The following GART variants were observed in gnomAD, a reference collection of about 807,000 sequenced individuals.
GART encodes the protein phosphoribosylglycinamide formyltransferase, phosphoribosylglycinamide synthetase, phosphoribosylaminoimidazole synthetase.
Under a neutral mutation model 107.2 loss-of-function variants are expected in GART, and 43 were observed. That is an observed-to-expected ratio of 0.40 (90% confidence interval 0.31 to 0.52). The LOEUF (loss-of-function observed/expected upper bound fraction) is 0.52, where lower values mean the gene tolerates loss of function less well. Ranked by LOEUF, GART falls within the 20% of genes least tolerant of loss-of-function variation. GART has a pLI of 0.52. For synonymous variants in GART, 434 were observed against 427.0 expected, an observed-to-expected ratio of 1.02 and a Z score of -0.20; for missense variants, 1,107 against 1,206.5, an observed-to-expected ratio of 0.92 and a Z score of 1.22.
intron 1 of GART, among the ~76,000 whole-genome samples, chr21:33,540,237 G>A (rs2085386323): frequency 6.6e-6 from 1 of 152,176 alleles, no homozygotes; most frequent in Non-Finnish European, 1.5e-5. Flanking sequence ...CAGGCAGTGG[G>A]TCAGAGATCA....
At chr21:33,507,881 G>C (rs1218291779) in intron 18 of GART, among the ~76,000 whole-genome samples, 1 of 151,986 alleles carries the variant, frequency 6.6e-6, no homozygotes, top group East Asian at 1.9e-4. Context: ...AAAATAACTG[G>C]ATTGTTTGTA....
At chr21:33,518,220 C>T (rs952065022) in intron 14 of GART, among the ~76,000 whole-genome samples, 3 of 152,184 alleles carry the variant, frequency 2.0e-5, no homozygotes, top group African/African-American at 7.2e-5. Flanking sequence ...TCGTGGCTCA[C>T]GCCTGTAATC....
intron 11 of GART, among the ~76,000 whole-genome samples, chr21:33,522,948 ATAAT>A (rs563618211): frequency 3.2e-4 from 48 of 152,370 alleles, no homozygotes; most frequent in Admixed American, 4.6e-4. Context: ...GTATCCCTAA[ATAAT>A]TAAACTGAGT....
At chr21:33,529,924 G>GTA (rs368789126) in intron 7 of GART, among the ~76,000 whole-genome samples, 43 of 151,870 alleles carry the variant, frequency 2.8e-4, no homozygotes, top group African/African-American at 1.0e-3. Context: ...GCCAGGCATG[G>GTA]TAGCTCACGC....
intron 11 of GART, among the ~76,000 whole-genome samples, chr21:33,523,024 T>C (rs555311083): frequency 1.3e-5 from 2 of 152,228 alleles, no homozygotes; most frequent in Non-Finnish European, 2.9e-5. Flanking sequence ...GTAAACACTA[T>C]GACAAAAGCA....
Position 33,517,535 on chromosome 21 carries a change from G to A in GART, c.1776C>T (p.Ala592=). Residue 592 remains alanine, a synonymous_variant, in exon 15 of 22, where the codon GCC becomes GCT. Transcript: ENST00000381815. ...GAGGGAGTTTCTGATCTCGCTCCAT[G>A]GCACCAACGGCAAACCCAGCTAGGT... ...EYDLAGFAVG[A]MERDQKLPHL... 1 of 1,614,196 alleles carries A rather than the reference G, an allele frequency of 6.2e-7. No individual in the cohort carries two copies. The highest frequency in any genetic ancestry group is 2.2e-5 in the East Asian group (1 of 44,888).
At chr21:33,542,350 G>A (rs1215880434), upstream of GART, 2 of 152,360 alleles carry the variant, frequency 1.3e-5, no homozygotes, top group Non-Finnish European at 2.9e-5. Context: ...GAGCGCCGGG[G>A]GGGAGCGCCA....
At chr21:33,523,830 G>A (rs1056861249) in intron 11 of GART, among the ~76,000 whole-genome samples, 4 of 151,916 alleles carry the variant, frequency 2.6e-5, no homozygotes, top group African/African-American at 7.3e-5. Flanking sequence ...AGCTGGGCAC[G>A]GTGGCAGGCA....
At chr21:33,513,684 T>C (rs1451235758) in intron 16 of GART, among the ~76,000 whole-genome samples, 1 of 152,242 alleles carries the variant, frequency 6.6e-6, no homozygotes, top group East Asian at 1.9e-4. Flanking sequence ...TCAGATTTAG[T>C]AACTACATTG....
chr21:33,539,692 A>T (rs2085374630), intron 1 of GART, among the ~76,000 whole-genome samples: 1 of 149,232 alleles, frequency 6.7e-6, no homozygotes, highest in Non-Finnish European at 1.5e-5. Flanking sequence ...GACCATCTCA[A>T]AAAAAAAAAA....
chr21:33,520,684 G>T, intron 13 of GART, 122 bp from the exon 14 acceptor site: 2 of 856,984 alleles, frequency 2.3e-6, no homozygotes, highest in Non-Finnish European at 3.6e-6. Flanking sequence ...CAAGCTACTT[G>T]GTCTAAAAGC....
intron 18 of GART, among the ~76,000 whole-genome samples, chr21:33,507,854 C>CA (rs199898805): frequency 0.016 from 2,350 of 149,860 alleles, 61 homozygotes; most frequent in African/African-American, 0.049. Flanking sequence ...AAAAACAAAA[C>CA]AAAAAAAAAC....
In GART at chr21:33,538,836, A is replaced by T. The variant is rs542344616; in HGVS notation, c.145+335T>A. Among the ~76,000 whole-genome samples, 7 of 152,330 alleles carry T rather than the reference A, an allele frequency of 4.6e-5. No homozygotes were observed. In the South Asian group the frequency reaches 1.0e-3, roughly 23 times the overall value. The stretch of plus-strand genomic sequence containing the variant: ...CATTCTGTCGCCCAGGCTGGAGTGC[A>T]GTGGCATGATGTCAGCTTACTACAA... On this transcript the variant is annotated intron_variant, in intron 2 of 21. Transcript: ENST00000381815.
intron 16 of GART, among the ~76,000 whole-genome samples, chr21:33,513,935 A>T (rs1330848760): frequency 6.6e-6 from 1 of 152,194 alleles, no homozygotes; most frequent in East Asian, 1.9e-4. Context: ...ATAAATGAAC[A>T]AGTACTTCAT....
chr21:33,537,203 G>C (rs1601231715), intron 2 of GART, among the ~76,000 whole-genome samples: 6 of 152,316 alleles, frequency 3.9e-5, no homozygotes, highest in African/African-American at 1.2e-4. Flanking sequence ...GGGCTTGCCT[G>C]TATGACCTCA....
At chr21:33,523,200 T>C (rs1339455097) in intron 11 of GART, among the ~76,000 whole-genome samples, 1 of 152,124 alleles carries the variant, frequency 6.6e-6, no homozygotes, top group Non-Finnish European at 1.5e-5. Flanking sequence ...CATGAAGAAA[T>C]ATGTGTTTTT....
At chr21:33,522,702 G>A (rs1032137986) in intron 11 of GART, among the ~76,000 whole-genome samples, 2 of 152,198 alleles carry the variant, frequency 1.3e-5, no homozygotes, top group Non-Finnish European at 1.5e-5. Flanking sequence ...TTATAATGCT[G>A]TGCACCCGGC....
At chr21:33,524,380 C>T (rs978648740) in intron 11 of GART, 1 of 695,048 alleles carries the variant, frequency 1.4e-6, no homozygotes. Context: ...GAAACCCCAT[C>T]TCCACAAAAA....
At chr21:33,531,040 TAC>T in intron 6 of GART, 156 bp from the exon 7 acceptor site, 1 of 526,852 alleles carries the variant, frequency 1.9e-6, no homozygotes, top group Non-Finnish European at 3.0e-6. Flanking sequence ...AACATTAAGC[TAC>T]ATACATCAAG....
Sources: allele counts gnomAD v4.1 joint callset (sites outside exome capture counted in the v4.1 genomes callset), GRCh38; gene constraint gnomAD v4.1.1; transcripts MANE v1.5; gene names NCBI Gene and HGNC (gene_info 2026-07-23, HGNC 2026-07-21).